The following PCDHA5 variants were observed in gnomAD, a reference collection of about 807,000 sequenced individuals.
PCDHA5 encodes the protein protocadherin alpha 5.
Under a neutral mutation model 61.6 loss-of-function variants are expected in PCDHA5, and 43 were observed. That is an observed-to-expected ratio of 0.70 (90% CI 0.55 to 0.90). PCDHA5 has a LOEUF of 0.90. PCDHA5 is among the 40% of genes least tolerant of loss of function. The probability of loss-of-function intolerance (pLI) is 0.00; values close to 1 mark genes in which losing one functional copy is unlikely to be tolerated. For synonymous variants in PCDHA5, 627 were observed against 543.9 expected, an observed-to-expected ratio of 1.15 and a Z score of -2.13; for missense variants, 1,298 against 1,222.7, an observed-to-expected ratio of 1.06 and a Z score of -0.92.
chr5:140,885,161 T>C (rs1554182019), intron 1 of PCDHA5, among the ~76,000 whole-genome samples: 1 of 151,600 alleles, frequency 6.6e-6, no homozygotes, highest in Non-Finnish European at 1.5e-5. Flanking sequence ...TTGTCTCTAC[T>C]TTTTTGTCCT....
intron 1 of PCDHA5, among the ~76,000 whole-genome samples, chr5:140,960,594 G>A (rs1341832093): frequency 6.6e-6 from 1 of 152,042 alleles, no homozygotes; most frequent in African/African-American, 2.4e-5. Flanking sequence ...CAAATTCAAG[G>A]TACTTCAACA....
chr5:140,881,383 G>T (rs2058695337), intron 1 of PCDHA5: 1 of 984,212 alleles, frequency 1.0e-6, no homozygotes, highest in Non-Finnish European at 1.2e-6. Context: ...AGCCGGCGGC[G>T]GTAAGTTAAA....
chr5:140,928,108 G>A (rs782166106), intron 1 of PCDHA5: 5 of 1,614,072 alleles, frequency 3.1e-6, no homozygotes, highest in Admixed American at 3.3e-5. Context: ...CCTGGACCGG[G>A]AGCAGATCAG....
At chr5:140,962,318 A>G (rs2095672102) in intron 1 of PCDHA5, among the ~76,000 whole-genome samples, 1 of 152,338 alleles carries the variant, frequency 6.6e-6, no homozygotes, top group South Asian at 2.1e-4. Context: ...GGCCATCTCA[A>G]TTGAGAATAC....
chr5:140,875,355 T>C (rs909094206), intron 1 of PCDHA5: 8 of 1,446,356 alleles, frequency 5.5e-6, no homozygotes, highest in Non-Finnish European at 7.3e-6. Flanking sequence ...ATGACTGTGA[T>C]GCTGGAAAAA....
At chr5:140,937,507 C>G (rs1427417860) in intron 1 of PCDHA5, among the ~76,000 whole-genome samples, 1 of 152,106 alleles carries the variant, frequency 6.6e-6, no homozygotes, top group Non-Finnish European at 1.5e-5. Context: ...ATCCCAGCTA[C>G]TCAGGAGGCT....
At chr5:140,850,654 T>G in intron 1 of PCDHA5, 1 of 1,598,638 alleles carries the variant, frequency 6.3e-7, no homozygotes, top group Non-Finnish European at 8.6e-7. Flanking sequence ...CTGTACACTG[T>G]GCTGCGGTGC....
chr5:140,928,409 C>A (rs782636217), intron 1 of PCDHA5: 2 of 1,613,912 alleles, frequency 1.2e-6, no homozygotes, highest in Non-Finnish European at 8.5e-7. Context: ...TCCAGTGGGG[C>A]CATCACTGCC....
chr5:140,967,043 G>T (rs1477679213), intron 1 of PCDHA5: 2 of 1,611,990 alleles, frequency 1.2e-6, no homozygotes, highest in African/African-American at 2.7e-5. Context: ...CCTGGAGCTG[G>T]ACCTGACGAG....
At chr5:140,849,336 T>G in intron 1 of PCDHA5, 8 of 1,396,714 alleles carry the variant, frequency 5.7e-6, no homozygotes, top group Non-Finnish European at 6.9e-6. Context: ...TATTTACTCC[T>G]TCTCCAGTGA....
chr5:140,822,458 T>G lies in PCDHA5; in HGVS notation c.683T>G (p.Leu228Trp). 1 of 1,613,786 alleles carries G rather than the reference T, an allele frequency of 6.2e-7. No individual in the cohort carries two copies. The highest frequency in any genetic ancestry group is 1.1e-5 in the South Asian group (1 of 91,080). ...KPELTGTVQL[L>W]INVLDANDNA... The stretch of plus-strand genomic sequence containing the variant: ...GAACTAACAGGTACAGTTCAGTTGT[T>G]GATCAATGTATTGGATGCTAATGAT... Residue 228 changes from leucine to tryptophan, a missense_variant, in exon 1 of 4, where the codon TTG becomes TGG. Physicochemically the swap from Leu to Trp is moderately conservative, Grantham distance 61 (BLOSUM62 -2). Coordinates refer to ENST00000529859, the MANE Select transcript of PCDHA5 (RefSeq NM_018908.3).
intron 1 of PCDHA5, among the ~76,000 whole-genome samples, chr5:140,874,171 G>C (rs2054750145): frequency 6.6e-6 from 1 of 152,080 alleles, no homozygotes; most frequent in Admixed American, 6.5e-5. Flanking sequence ...ACTCTTTCCT[G>C]GTGTTGTAAA....
Position 140,882,752 on chromosome 5 carries a change from A to G in PCDHA5, c.2352+58625A>G, listed in dbSNP as rs1457424583. 4 of 1,614,130 alleles carry G rather than the reference A, an allele frequency of 2.5e-6. No individual in the cohort carries two copies. In the East Asian group the frequency reaches 8.9e-5, roughly 36 times the overall value. On this transcript the variant is annotated intron_variant, in intron 1 of 3. Coordinates refer to ENST00000529859, the MANE Select transcript of PCDHA5 (RefSeq NM_018908.3). Reference sequence around the variant, plus strand: ...ACTAGATGGCGCATCCGATGCAGATATTGGAGTAAACTCGGCATTGACCTA... The same window carrying G: ...ACTAGATGGCGCATCCGATGCAGATGTTGGAGTAAACTCGGCATTGACCTA...
intron 1 of PCDHA5, among the ~76,000 whole-genome samples, chr5:140,893,394 T>TAA (rs2063972728): frequency 6.6e-6 from 1 of 152,198 alleles, no homozygotes; most frequent in South Asian, 2.1e-4. Flanking sequence ...GGCTCATGCC[T>TAA]GTAATCCCAG....
At chr5:140,921,992 C>T (rs963694302) in intron 1 of PCDHA5, among the ~76,000 whole-genome samples, 1 of 151,726 alleles carries the variant, frequency 6.6e-6, no homozygotes, top group East Asian at 1.9e-4. Context: ...AAAAAGAGTT[C>T]AATGAAATGA....
intron 1 of PCDHA5, chr5:140,857,571 C>A (rs782707848): frequency 7.5e-6 from 12 of 1,596,630 alleles, no homozygotes; most frequent in Non-Finnish European, 9.4e-6. Flanking sequence ...AGCTACGTGT[C>A]GGTGCACGCG....
At chr5:140,861,470 G>A (rs1554154806) in intron 1 of PCDHA5, 1 of 492,724 alleles carries the variant, frequency 2.0e-6, no homozygotes, top group Non-Finnish European at 4.2e-6. Context: ...TAAATCTGCA[G>A]AATGGCATTT....
At chr5:140,856,553 T>TAC (rs1455018619) in intron 1 of PCDHA5, 2 of 1,598,066 alleles carry the variant, frequency 1.3e-6, no homozygotes, top group African/African-American at 2.7e-5. Flanking sequence ...ATTGCTTACT[T>TAC]ACAAACTCAG....
intron 1 of PCDHA5, chr5:140,830,542 C>T: frequency 2.5e-6 from 3 of 1,194,226 alleles, no homozygotes; most frequent in Non-Finnish European, 3.4e-6. Flanking sequence ...TAATTGTTTT[C>T]CTCATATTTG....
Sources: allele counts gnomAD v4.1 joint callset (sites outside exome capture counted in the v4.1 genomes callset), GRCh38; gene constraint gnomAD v4.1.1; transcripts MANE v1.5; gene names NCBI Gene and HGNC (gene_info 2026-07-23, HGNC 2026-07-21).